The following NKAIN3 variants were observed in gnomAD, a reference collection of about 807,000 sequenced individuals.
The protein encoded by NKAIN3 is sodium/potassium-transporting ATPase subunit beta-1-interacting protein 3.
NKAIN3 carries 25 observed loss-of-function variants against 30.2 expected under a neutral mutation model. The ratio of observed to expected loss-of-function variants is 0.83; its 90% CI spans 0.60 to 1.16. The LOEUF (loss-of-function observed/expected upper bound fraction) is 1.16. Ranked by LOEUF, NKAIN3 falls within the 50% of genes most tolerant of loss-of-function variation. NKAIN3 has a pLI of 0.00. For synonymous variants in NKAIN3, 91 were observed against 89.6 expected (o/e 1.02, Z -0.09); for missense variants, 225 against 254.1 (o/e 0.89, Z 0.78).
intron 3 of NKAIN3, among the ~76,000 whole-genome samples, chr8:62,595,638 C>A (rs1223462806): frequency 1.3e-5 from 2 of 151,906 alleles, no homozygotes; most frequent in African/African-American, 4.8e-5. Context: ...AAGTTGCAAG[C>A]CCCGTTTTTA....
At chr8:62,814,187 C>T (rs1818589260) in intron 4 of NKAIN3, among the ~76,000 whole-genome samples, 1 of 151,994 alleles carries the variant, frequency 6.6e-6, no homozygotes, top group Admixed American at 6.6e-5. Flanking sequence ...ATACCTCTCC[C>T]AAGACTTGGG....
At chr8:62,908,972 C>G (rs1234256549) in intron 4 of NKAIN3, among the ~76,000 whole-genome samples, 7 of 152,184 alleles carry the variant, frequency 4.6e-5, no homozygotes, top group Admixed American at 2.0e-4. Context: ...GCCCAGCAAT[C>G]CTCTCATTGA....
chr8:62,855,830 C>T, intron 4 of NKAIN3: 3 of 859,722 alleles, frequency 3.5e-6, no homozygotes, highest in Non-Finnish European at 6.0e-6. Flanking sequence ...CTGGAGGAGT[C>T]ACCAGAAATT....
intron 3 of NKAIN3, among the ~76,000 whole-genome samples, chr8:62,734,037 T>G (rs1212516716): frequency 6.6e-6 from 1 of 152,200 alleles, no homozygotes; most frequent in Non-Finnish European, 1.5e-5. Context: ...ATCCCATCAC[T>G]TTGGGAGGCC....
At chr8:62,328,437 C>T (rs998976870) in intron 1 of NKAIN3, among the ~76,000 whole-genome samples, 3 of 152,042 alleles carry the variant, frequency 2.0e-5, no homozygotes, top group Non-Finnish European at 4.4e-5. Flanking sequence ...ACAAGGAAAG[C>T]ATGAGAAACT....
intron 4 of NKAIN3, among the ~76,000 whole-genome samples, chr8:62,811,812 A>C (rs1484854230): frequency 2.0e-5 from 3 of 151,916 alleles, no homozygotes; most frequent in Non-Finnish European, 4.4e-5. Flanking sequence ...ATATTTTCTC[A>C]AAGTCTGTTG....
intron 4 of NKAIN3, among the ~76,000 whole-genome samples, chr8:62,884,567 A>G (rs1306752038): frequency 6.6e-6 from 1 of 152,182 alleles, no homozygotes; most frequent in Non-Finnish European, 1.5e-5. Context: ...TAAAGAATTT[A>G]TATCATTTCT....
At chr8:62,514,146 T>C (rs1354624890) in intron 1 of NKAIN3, among the ~76,000 whole-genome samples, 1 of 152,146 alleles carries the variant, frequency 6.6e-6, no homozygotes, top group Non-Finnish European at 1.5e-5. Context: ...CTCTCATTGT[T>C]TGAAAAAGCT....
chr8:62,303,298 T>C (rs1416093831), intron 1 of NKAIN3, among the ~76,000 whole-genome samples: 1 of 150,478 alleles, frequency 6.6e-6, no homozygotes, highest in African/African-American at 2.5e-5. Context: ...TTTCCTAAGG[T>C]TGTCACATGG....
intron 1 of NKAIN3, among the ~76,000 whole-genome samples, chr8:62,420,384 A>T (rs2129596698): frequency 6.6e-6 from 1 of 152,298 alleles, no homozygotes; most frequent in East Asian, 1.9e-4. Context: ...GTCAATTAGT[A>T]TTCCACAGCC....
intron 1 of NKAIN3, among the ~76,000 whole-genome samples, chr8:62,489,569 A>T (rs1403768095): frequency 6.6e-6 from 1 of 152,152 alleles, no homozygotes; most frequent in Non-Finnish European, 1.5e-5. Context: ...ATAAAATTCC[A>T]CTATAGATAG....
intron 1 of NKAIN3, among the ~76,000 whole-genome samples, chr8:62,450,387 C>G (rs1271003792): frequency 3.9e-5 from 6 of 152,112 alleles, no homozygotes; most frequent in Non-Finnish European, 4.4e-5. Flanking sequence ...GAATTCTCCT[C>G]CAATTACACT....
intron 4 of NKAIN3, among the ~76,000 whole-genome samples, chr8:62,876,903 G>A (rs545541789): frequency 3.3e-5 from 5 of 151,660 alleles, no homozygotes; most frequent in Non-Finnish European, 7.4e-5. Flanking sequence ...AAAACTGCAC[G>A]TTCTGCACAT....
At chr8:62,863,875 A>AG in intron 4 of NKAIN3, 2 of 1,496,812 alleles carry the variant, frequency 1.3e-6, no homozygotes, top group Non-Finnish European at 1.9e-6. Context: ...AGTAGTCCGC[A>AG]GGGTCCTCTT....
chr8:62,469,493 C>G (rs1262180825), intron 1 of NKAIN3, among the ~76,000 whole-genome samples: 1 of 152,178 alleles, frequency 6.6e-6, no homozygotes, highest in African/African-American at 2.4e-5. Context: ...TCTGCTCTTG[C>G]TGGACAGGTT....
chr8:62,387,848 G>A (rs1041603992), intron 1 of NKAIN3, among the ~76,000 whole-genome samples: 6 of 152,078 alleles, frequency 3.9e-5, no homozygotes, highest in African/African-American at 7.2e-5. Context: ...AATTTTCAAC[G>A]TGCTTTTCTG....
At position 62,970,038 on chromosome 8, in the gene NKAIN3, A is replaced by T. The variant is rs1823798914; in HGVS notation, c.*4631A>T. Among the ~76,000 whole-genome samples, 1 of 150,660 alleles carries T rather than the reference A, an allele frequency of 6.6e-6. No individual in the cohort carries two copies. Among genetic ancestry groups the T allele is most frequent in the Non-Finnish European group, 1.5e-5 (1 of 67,598 alleles). The stretch of plus-strand genomic sequence containing the variant: ...AGTGAGACCGTATCTCTACAAAAAC[A>T]AACAAATAAACAAAAAATACCTAAA... On this transcript the variant is annotated 3_prime_UTR_variant, in exon 7 of 7. Coordinates refer to ENST00000623646, the MANE Select transcript of NKAIN3 (RefSeq NM_001304533.3).
intron 3 of NKAIN3, among the ~76,000 whole-genome samples, chr8:62,724,680 T>C (rs766865776): frequency 4.6e-5 from 7 of 152,108 alleles, no homozygotes; most frequent in Non-Finnish European, 1.0e-4. Context: ...TGACTTCCAG[T>C]TCCATCCATG....
intron 3 of NKAIN3, among the ~76,000 whole-genome samples, chr8:62,731,717 G>A (rs72653224): frequency 6.6e-6 from 1 of 151,994 alleles, no homozygotes; most frequent in Non-Finnish European, 1.5e-5. Context: ...TTGGTGGGGA[G>A]GAGGAGACCA....
Sources: allele counts gnomAD v4.1 joint callset (sites outside exome capture counted in the v4.1 genomes callset), GRCh38; gene constraint gnomAD v4.1.1; transcripts MANE v1.5; gene names NCBI Gene and HGNC (gene_info 2026-07-23, HGNC 2026-07-21).